The following TRAPPC9 variants were observed in gnomAD, a reference collection of about 807,000 sequenced individuals.
TRAPPC9 encodes trafficking protein particle complex subunit 9, also known as IKK2 binding protein.
A neutral mutation model predicts 124.0 loss-of-function variants in TRAPPC9; 83 were observed. The ratio of observed to expected loss-of-function variants is 0.67; its 90% CI spans 0.56 to 0.80. The LOEUF (loss-of-function observed/expected upper bound fraction) is 0.80. Ranked by LOEUF, TRAPPC9 falls within the 30% of genes least tolerant of loss-of-function variation. The probability of loss-of-function intolerance (pLI) is 0.00; values close to 1 mark genes in which losing one functional copy is unlikely to be tolerated. For synonymous variants in TRAPPC9, 638 were observed against 617.5 expected (o/e 1.03, Z -0.49); for missense variants, 1,302 against 1,508.3 (o/e 0.86, Z 2.27).
At chr8:139,764,546 C>T (rs1820452258) in intron 21 of TRAPPC9, among the ~76,000 whole-genome samples, 1 of 152,172 alleles carries the variant, frequency 6.6e-6, no homozygotes, top group Non-Finnish European at 1.5e-5. Flanking sequence ...GCTTTCCCAG[C>T]ACTGAGTGAG....
chr8:140,147,946 T>C (rs2061487033), intron 17 of TRAPPC9, among the ~76,000 whole-genome samples: 1 of 152,210 alleles, frequency 6.6e-6, no homozygotes, highest in Non-Finnish European at 1.5e-5. Context: ...TGGAACTCAG[T>C]GGTGGGGGAA....
chr8:140,165,970 T>A (rs2061830247), intron 17 of TRAPPC9, among the ~76,000 whole-genome samples: 1 of 152,128 alleles, frequency 6.6e-6, no homozygotes, highest in Non-Finnish European at 1.5e-5. Context: ...CCTGCCTCCC[T>A]CGATGTCTGG....
At chr8:140,242,881 A>T (rs1392163846) in intron 16 of TRAPPC9, among the ~76,000 whole-genome samples, 2 of 152,334 alleles carry the variant, frequency 1.3e-5, no homozygotes, top group East Asian at 3.9e-4. Flanking sequence ...GTAAGTGGCA[A>T]CCACGGAGGG....
intron 21 of TRAPPC9, among the ~76,000 whole-genome samples, chr8:139,737,449 G>GC (rs1335877066): frequency 1.0e-4 from 15 of 150,510 alleles, no homozygotes; most frequent in African/African-American, 3.4e-4. Flanking sequence ...CAGCCTTCAG[G>GC]CGGGGGTCAT....
chr8:140,142,247 A>G (rs2061394356), intron 17 of TRAPPC9, among the ~76,000 whole-genome samples: 1 of 152,242 alleles, frequency 6.6e-6, no homozygotes, highest in Admixed American at 6.5e-5. Context: ...ACACGCACAG[A>G]AAGATTTTTC....
chr8:139,864,658 G>A (rs1324433334), intron 21 of TRAPPC9, among the ~76,000 whole-genome samples: 1 of 152,088 alleles, frequency 6.6e-6, no homozygotes, highest in Non-Finnish European at 1.5e-5. Context: ...GGGAGCAATG[G>A]ACAGCGTCTG....
chr8:140,069,384 C>T (rs551029624), intron 17 of TRAPPC9, among the ~76,000 whole-genome samples: 6 of 152,198 alleles, frequency 3.9e-5, no homozygotes, highest in South Asian at 4.1e-4. Flanking sequence ...CCACCTTAAA[C>T]GGCGGGGGTG....
chr8:140,219,628 T>G (rs1219721073), intron 17 of TRAPPC9, among the ~76,000 whole-genome samples: 1 of 152,136 alleles, frequency 6.6e-6, no homozygotes, highest in East Asian at 1.9e-4. Flanking sequence ...GAGATGGGTT[T>G]AAGGGTCTCC....
At position 139,910,259 on chromosome 8, in the gene TRAPPC9, G is replaced by A. The variant is rs1156926861; in HGVS notation, c.2852C>T (p.Pro951Leu). Residue 951 changes from proline to leucine, a missense_variant, in exon 20 of 23, where the codon CCG (proline) becomes CTG (leucine). Pro to Leu is a moderately conservative substitution (Grantham distance 98). This residue lies in a region of TRAPPC9 where 640 missense variants were observed against 679.3 expected (regional missense o/e 0.94). Coordinates refer to ENST00000438773, the MANE Select transcript of TRAPPC9 (RefSeq NM_001160372.4). ...TTGCCCCTTCTCCCCAGGGGACTCCGGGAAACTCTCAAAGTTGAACTTGTC... is the reference window on the plus strand; with the variant it reads ...TTGCCCCTTCTCCCCAGGGGACTCCAGGAAACTCTCAAAGTTGAACTTGTC... ...QVDKFNFESF[P>L]ESPGEKGQFA... 3.3e-5 allele frequency: 54 copies of A among 1,614,010 alleles called. No individual in the cohort carries two copies. The highest frequency in any genetic ancestry group is 8.8e-5 in the South Asian group (8 of 91,086).
At chr8:140,304,170 T>C (rs6578093) in intron 10 of TRAPPC9, among the ~76,000 whole-genome samples, 98,755 of 151,476 alleles carry the variant, frequency 0.65, 32,612 homozygotes, top group African/African-American at 0.77. Flanking sequence ...TCTTGGCTCA[T>C]TGCAACCTCC....
chr8:140,304,093 A>ATTT (rs549536451), intron 10 of TRAPPC9, among the ~76,000 whole-genome samples: 6 of 140,888 alleles, frequency 4.3e-5, no homozygotes, highest in African/African-American at 7.8e-5. Flanking sequence ...GCCTGACTTA[A>ATTT]TTTTTTTTTT....
At chr8:140,081,356 T>G (rs1270634040) in intron 17 of TRAPPC9, among the ~76,000 whole-genome samples, 1 of 150,942 alleles carries the variant, frequency 6.6e-6, no homozygotes, top group African/African-American at 2.4e-5. Context: ...CTTTTTTTTT[T>G]TTTTTTTGAG....
At chr8:140,328,007 C>A (rs1469702308) in intron 9 of TRAPPC9, among the ~76,000 whole-genome samples, 4 of 152,188 alleles carry the variant, frequency 2.6e-5, no homozygotes, top group African/African-American at 9.7e-5. Flanking sequence ...GTAATCCCAG[C>A]ACTTTGGGAG....
At chr8:139,824,522 T>C (rs983166122) in intron 21 of TRAPPC9, among the ~76,000 whole-genome samples, 1 of 152,220 alleles carries the variant, frequency 6.6e-6, no homozygotes, top group African/African-American at 2.4e-5. Flanking sequence ...AGGGATTTAA[T>C]GGACTTTACC....
At chr8:140,134,168 A>C (rs1213445277) in intron 17 of TRAPPC9, among the ~76,000 whole-genome samples, 2 of 152,250 alleles carry the variant, frequency 1.3e-5, no homozygotes. Context: ...CGGTAATACA[A>C]ACATTGTGGT....
At chr8:140,237,038 G>A (rs1281631088) in intron 16 of TRAPPC9, among the ~76,000 whole-genome samples, 1 of 152,026 alleles carries the variant, frequency 6.6e-6, no homozygotes, top group Non-Finnish European at 1.5e-5. Context: ...AAAATTAGCT[G>A]AGCGTGGTGA....
rs1054493099 is a variant in TRAPPC9 at position 139,729,811 on chromosome 8, A to C, written c.*1250T>G. On this transcript the variant is annotated 3_prime_UTR_variant, in exon 23 of 23. Transcript: ENST00000438773. ...CTTCCTGGCTCTGCCTGTTTGGCCAACTGGCCTTTAGGAAGCCCCGCTCTC... is the reference window on the plus strand; with the variant it reads ...CTTCCTGGCTCTGCCTGTTTGGCCACCTGGCCTTTAGGAAGCCCCGCTCTC... Among the ~76,000 whole-genome samples the C allele has an allele frequency of 1.4e-4, 21 of 152,144 alleles. No homozygotes were observed. The highest frequency in any genetic ancestry group is 1.9e-4 in the Non-Finnish European group (13 of 68,006).
intron 21 of TRAPPC9, among the ~76,000 whole-genome samples, chr8:139,783,687 AG>A (rs930791949): frequency 1.3e-5 from 2 of 152,258 alleles, no homozygotes; most frequent in Admixed American, 6.5e-5. Context: ...AAACCAAGAC[AG>A]GAATGTTACA....
chr8:140,377,007 C>T (rs181055609), intron 7 of TRAPPC9, among the ~76,000 whole-genome samples: 22 of 152,186 alleles, frequency 1.4e-4, no homozygotes, highest in Non-Finnish European at 2.6e-4. Context: ...CCACCACATG[C>T]TAGAGGAAGG....
Sources: gnomAD v4.1 joint callset for allele counts (sites outside exome capture counted in the v4.1 genomes callset) on GRCh38, gnomAD v4.1.1 for gene constraint, gnomAD v4.1.1 regional missense constraint, MANE v1.5 for transcripts, NCBI Gene and HGNC (gene_info 2026-07-23, HGNC 2026-07-21) for gene names.